Variants in KMT2C observed in about 807,000 individuals in gnomAD.
The protein encoded by KMT2C is histone-lysine N-methyltransferase 2C.
KMT2C carries 88 observed loss-of-function variants against 507.9 expected under a neutral mutation model. The observed-to-expected ratio is 0.17, with a 90% CI of 0.15 to 0.21. KMT2C has a LOEUF of 0.21. Among genes scored for constraint, KMT2C ranks in the 10% least tolerant of loss-of-function variants. KMT2C has a pLI of 1.00. For synonymous variants in KMT2C, 2,049 were observed against 2,080.8 expected, an observed-to-expected ratio of 0.98 and a Z score of 0.42; for missense variants, 4,954 against 5,957.8, an observed-to-expected ratio of 0.83 and a Z score of 5.55.
At chr7:152,201,617 GAAAAAAAAAA>G (rs745427209) in intron 26 of KMT2C, among the ~76,000 whole-genome samples, 30 of 22,904 alleles carry the variant, frequency 1.3e-3, no homozygotes, top group Non-Finnish European at 2.1e-3. Context: ...CAACAAAGAT[GAAAAAAAAAA>G]AAAAAAAAAA....
At chr7:152,193,197 G>T (rs972583088) in intron 31 of KMT2C, among the ~76,000 whole-genome samples, 1 of 151,966 alleles carries the variant, frequency 6.6e-6, no homozygotes, top group Admixed American at 6.6e-5. Flanking sequence ...AATACATATA[G>T]ATAGAGTTAT....
intron 6 of KMT2C, among the ~76,000 whole-genome samples, chr7:152,279,514 C>T (rs2096159989): frequency 6.6e-6 from 1 of 152,180 alleles, no homozygotes; most frequent in Non-Finnish European, 1.5e-5. Context: ...CAACTGTTCA[C>T]TTTAGAAAAT....
chr7:152,432,940 G>A (rs910161342), intron 1 of KMT2C, among the ~76,000 whole-genome samples: 5 of 150,824 alleles, frequency 3.3e-5, no homozygotes, highest in Non-Finnish European at 7.4e-5. Flanking sequence ...TGAGGTCGGG[G>A]GTTCAAGACC....
At chr7:152,388,760 T>C (rs1385409410) in intron 1 of KMT2C, among the ~76,000 whole-genome samples, 1 of 152,278 alleles carries the variant, frequency 6.6e-6, no homozygotes, top group East Asian at 1.9e-4. Flanking sequence ...CTTTTTTTTT[T>C]TTCCTGGGAT....
At chr7:152,309,816 T>C (rs1315526953) in intron 6 of KMT2C, 150 bp downstream of exon 6, 2 of 556,570 alleles carry the variant, frequency 3.6e-6, no homozygotes, top group East Asian at 3.2e-5. Flanking sequence ...CCACCATACC[T>C]GGCCTAGAAT....
intron 8 of KMT2C, among the ~76,000 whole-genome samples, chr7:152,263,445 T>C (rs2095813298): frequency 6.6e-6 from 1 of 152,212 alleles, no homozygotes; most frequent in Non-Finnish European, 1.5e-5. Context: ...GAAGGTGCTA[T>C]AACTGATAGG....
At chr7:152,265,410 T>G (rs1300856102) in intron 7 of KMT2C, among the ~76,000 whole-genome samples, 1 of 152,194 alleles carries the variant, frequency 6.6e-6, no homozygotes, top group Non-Finnish European at 1.5e-5. Context: ...CACATTAAAT[T>G]TAATCGTATA....
chr7:152,249,673 CAAAA>C (rs1183345172), intron 13 of KMT2C, among the ~76,000 whole-genome samples, 199 bp downstream of exon 13: 16 of 34,514 alleles, frequency 4.6e-4, no homozygotes, highest in East Asian at 2.3e-3. Flanking sequence ...CTCCCCCCTC[CAAAA>C]AAAAAAAAAA....
intron 25 of KMT2C, among the ~76,000 whole-genome samples, chr7:152,204,407 C>T (rs1199755261): frequency 1.3e-5 from 2 of 152,024 alleles, no homozygotes; most frequent in Non-Finnish European, 2.9e-5. Flanking sequence ...CCAGCCTGGG[C>T]AACAAAGTGA....
chr7:152,215,188 A>C (rs1266791940), intron 23 of KMT2C, among the ~76,000 whole-genome samples: 1 of 152,098 alleles, frequency 6.6e-6, no homozygotes, highest in Non-Finnish European at 1.5e-5. Flanking sequence ...TTATAAATAT[A>C]CCAGGTGATT....
At chr7:152,362,985 C>A (rs1471055270) in intron 1 of KMT2C, among the ~76,000 whole-genome samples, 1 of 152,168 alleles carries the variant, frequency 6.6e-6, no homozygotes, top group Non-Finnish European at 1.5e-5. Flanking sequence ...TCTTTTATTT[C>A]ATCGGTGTCC....
intron 6 of KMT2C, among the ~76,000 whole-genome samples, chr7:152,296,446 AG>A (rs373585882): frequency 5.1e-4 from 71 of 139,394 alleles, no homozygotes; most frequent in African/African-American, 2.1e-3. Context: ...AAAAAAAAAA[AG>A]AGAGAGAGAG....
chr7:152,207,857 TG>T (rs1013377172), intron 23 of KMT2C, among the ~76,000 whole-genome samples: 15 of 152,326 alleles, frequency 9.8e-5, no homozygotes, highest in African/African-American at 3.4e-4. Context: ...CTTTTTCCCA[TG>T]TTACCTATCA....
intron 58 of KMT2C, 61 bp from the exon 59 acceptor site, chr7:152,136,985 C>A: frequency 1.6e-6 from 2 of 1,213,496 alleles, no homozygotes; most frequent in Non-Finnish European, 1.2e-6. Context: ...GCGTTTCTGC[C>A]TCCATCTCCC....
intron 1 of KMT2C, among the ~76,000 whole-genome samples, chr7:152,400,075 G>A (rs555165782): frequency 1.5e-4 from 23 of 152,132 alleles, no homozygotes; most frequent in African/African-American, 5.1e-4. Context: ...TTGGGAGGCC[G>A]AGATGGGCGG....
intron 44 of KMT2C, chr7:152,157,956 C>T (rs1279620464): frequency 7.8e-7 from 1 of 1,289,594 alleles, no homozygotes; most frequent in Admixed American, 2.3e-5. Context: ...GAGTAATGTA[C>T]ATGATAAAAG....
chr7:152,422,749 C>T (rs1006241013), intron 1 of KMT2C, among the ~76,000 whole-genome samples: 30 of 152,122 alleles, frequency 2.0e-4, no homozygotes, highest in African/African-American at 6.0e-4. Flanking sequence ...CCCAACCAGG[C>T]GCAGTGGCTC....
intron 1 of KMT2C, chr7:152,367,652 A>G: frequency 7.0e-7 from 1 of 1,428,414 alleles, no homozygotes; most frequent in South Asian, 1.1e-5. Context: ...TTTTAATCAA[A>G]GAAGGTGGTG....
intron 1 of KMT2C, among the ~76,000 whole-genome samples, chr7:152,369,332 C>CAAAAAAAAAA (rs1004820717): frequency 6.8e-6 from 1 of 146,940 alleles, no homozygotes. Flanking sequence ...CAAAAAAAAA[C>CAAAAAAAAAA]AAAAACAAAA....
Sources: allele counts gnomAD v4.1 joint callset (sites outside exome capture counted in the v4.1 genomes callset), GRCh38; gene constraint gnomAD v4.1.1; transcripts MANE v1.5; gene names NCBI Gene and HGNC (gene_info 2026-07-23, HGNC 2026-07-21).